Variants in LRP1B observed in about 807,000 individuals in gnomAD.
The protein encoded by LRP1B is LDL receptor related protein 1B, also known as low-density lipoprotein receptor-related protein 1B.
In LRP1B, 217 loss-of-function variants were observed where a neutral mutation model predicts 556.6. That is an observed-to-expected ratio of 0.39 (90% CI 0.35 to 0.44). The LOEUF (loss-of-function observed/expected upper bound fraction) is 0.44, where lower values mean the gene tolerates loss of function less well. LRP1B is among the 20% of genes least tolerant of loss of function. The probability of loss-of-function intolerance (pLI) is 1.00; values close to 1 mark genes in which losing one functional copy is unlikely to be tolerated. For synonymous variants in LRP1B, 2,047 were observed against 1,865.8 expected, an observed-to-expected ratio of 1.10 and a Z score of -2.50; for missense variants, 5,053 against 5,620.8, an observed-to-expected ratio of 0.90 and a Z score of 3.23.
In LRP1B at chr2:142,007,079, T is replaced by C. The variant is rs867824192; in HGVS notation, c.82+123569A>G. On this transcript the variant is annotated intron_variant, in intron 1 of 90. Transcript: ENST00000389484. ...ACCATCCCGACAAAACAAGTTTGCC[T>C]CCAGATTTCACATTTCTCTAAAATA... is the stretch of plus-strand genomic sequence containing the variant. 3.3e-5 allele frequency among the ~76,000 whole-genome samples: 5 copies of C among 152,280 alleles called. No individual in the cohort carries two copies. In the South Asian group the frequency reaches 8.3e-4, roughly 25 times the overall value.
At position 141,879,756 on chromosome 2, in the gene LRP1B, A is replaced by G. The variant is rs192711197; in HGVS notation, c.83-69355T>C. 2.1e-3 allele frequency among the ~76,000 whole-genome samples: 312 copies of G among 152,080 alleles called. 1 individual carries two copies. Among genetic ancestry groups the G allele is most frequent in the South Asian group, 4.4e-3 (21 of 4,824 alleles). On this transcript the variant is annotated intron_variant, in intron 1 of 90. Transcript: ENST00000389484. ...AGACAAACAAAAAACTTGTCTTGCC[A>G]ATCATGTTGTTTAGTACATGGAACG... is the stretch of plus-strand genomic sequence containing the variant.
chr2:140,327,579 G>T (rs1414871269), intron 79 of LRP1B, among the ~76,000 whole-genome samples: 3 of 151,988 alleles, frequency 2.0e-5, no homozygotes, highest in African/African-American at 4.8e-5. Context: ...ACTGAGAAGG[G>T]TTAAAAACAT....
intron 7 of LRP1B, among the ~76,000 whole-genome samples, chr2:141,169,891 C>T (rs1284503746): frequency 6.6e-6 from 1 of 151,308 alleles, no homozygotes; most frequent in Non-Finnish European, 1.5e-5. Context: ...ATTTTGTTAC[C>T]AATTATGCAA....
Position 140,746,659 on chromosome 2 carries a change from GTTTT to G in LRP1B, c.5758+22550_5758+22553del, listed in dbSNP as rs1021598565. Among the ~76,000 whole-genome samples the G allele has an allele frequency of 2.6e-5, 4 of 151,984 alleles. No individual in the cohort carries two copies. The South Asian group carries it at 8.3e-4, about 32-fold the overall frequency. On this transcript the variant is annotated intron_variant, in intron 35 of 90. Transcript: ENST00000389484. The stretch of plus-strand genomic sequence containing the variant: ...AATGCACGCAGGAGAGCCATGTTTT[GTTTT>G]TTTCTCAGTTTGAGCACTTAATTTC...
chr2:141,467,847 G>GGGGCGT (rs1682303604), intron 3 of LRP1B, among the ~76,000 whole-genome samples: 1 of 106,308 alleles, frequency 9.4e-6, no homozygotes, highest in Non-Finnish European at 2.0e-5. Context: ...ACCGGGGGGG[G>GGGGCGT]GGGAATTCCA....
At chr2:141,227,386 C>T (rs1299860304) in intron 6 of LRP1B, among the ~76,000 whole-genome samples, 5 of 152,102 alleles carry the variant, frequency 3.3e-5, no homozygotes, top group African/African-American at 1.2e-4. Flanking sequence ...AGGACTGTGG[C>T]CTTGTGTTCA....
chr2:141,678,736 T>C (rs1199037095), intron 2 of LRP1B, among the ~76,000 whole-genome samples: 1 of 152,162 alleles, frequency 6.6e-6, no homozygotes, highest in African/African-American at 2.4e-5. Flanking sequence ...AATTAATTCA[T>C]AAAACAGGAA....
intron 41 of LRP1B, among the ~76,000 whole-genome samples, chr2:140,621,891 A>C (rs988702111): frequency 2.0e-5 from 3 of 152,234 alleles, no homozygotes; most frequent in African/African-American, 7.2e-5. Context: ...CCTGGAGAAC[A>C]GATGAGCAAC....
chr2:140,902,327 T>C (rs549585772), intron 23 of LRP1B, among the ~76,000 whole-genome samples: 2 of 152,078 alleles, frequency 1.3e-5, no homozygotes, highest in South Asian at 2.1e-4. Context: ...AAGCAAGAAA[T>C]GGTTAAAATG....
At chr2:141,610,612 G>A (rs925331086) in intron 2 of LRP1B, among the ~76,000 whole-genome samples, 4 of 152,044 alleles carry the variant, frequency 2.6e-5, no homozygotes, top group African/African-American at 7.2e-5. Context: ...TGCATCCTGC[G>A]CGTAACCTCG....
chr2:142,046,193 A>T (rs1468500721), intron 1 of LRP1B, among the ~76,000 whole-genome samples: 1 of 151,696 alleles, frequency 6.6e-6, no homozygotes, highest in Non-Finnish European at 1.5e-5. Flanking sequence ...TGAATTTCTT[A>T]CTCTTTTTCA....
At chr2:140,712,275 G>A (rs1291374286) in intron 37 of LRP1B, among the ~76,000 whole-genome samples, 1 of 152,030 alleles carries the variant, frequency 6.6e-6, no homozygotes, top group African/African-American at 2.4e-5. Context: ...GTCCCTCCAG[G>A]AATCAGTCTG....
chr2:140,360,249 T>A (rs1358018516), intron 72 of LRP1B, among the ~76,000 whole-genome samples: 1 of 151,574 alleles, frequency 6.6e-6, no homozygotes, highest in Non-Finnish European at 1.5e-5. Flanking sequence ...TCCCTCTCAA[T>A]ATTTGAGCAA....
At chr2:141,376,491 A>G (rs944799877) in intron 3 of LRP1B, among the ~76,000 whole-genome samples, 5 of 152,058 alleles carry the variant, frequency 3.3e-5, no homozygotes, top group Non-Finnish European at 7.4e-5. Flanking sequence ...AATCTCTTCA[A>G]AATGTGAGCA....
intron 7 of LRP1B, among the ~76,000 whole-genome samples, chr2:141,185,269 A>T (rs1681189751): frequency 6.6e-6 from 1 of 152,086 alleles, no homozygotes; most frequent in African/African-American, 2.4e-5. Flanking sequence ...TGGAGCCAGG[A>T]TTTGATCTCA....
rs756957154 is a variant in LRP1B at position 140,475,313 on chromosome 2, G to A, written c.9450C>T (p.Cys3150=). The change falls in exon 60 of 91, where the codon TGC becomes TGT. Residue 3150 remains cysteine, a synonymous_variant. Coordinates refer to ENST00000389484, the MANE Select transcript of LRP1B (RefSeq NM_018557.3). The part of the protein sequence containing the change: ...QAGYLYWIDC[C]EYPHIGRVGM... ...CAACACGGCCAATATGAGGATACTC[G>A]CAGCAGTCAATCCAATACAAATATC... 6.4e-5 allele frequency: 102 copies of A among 1,604,652 alleles called. No homozygotes were observed. The highest frequency in any genetic ancestry group is 1.9e-4 in the South Asian group (17 of 90,268).
rs1314310856 is a variant in LRP1B, at chr2:140,232,637, G to A, written c.*549C>T. Reference sequence around the variant, plus strand: ...TCCTCAAAATTCTCATCTATTGGTTGGCAATCTAAGGCTAATTTCAAAGCA... The same window carrying A: ...TCCTCAAAATTCTCATCTATTGGTTAGCAATCTAAGGCTAATTTCAAAGCA... On this transcript the variant is annotated 3_prime_UTR_variant, in exon 91 of 91. Transcript: ENST00000389484. The A allele has an allele frequency of 6.6e-6, 1 of 151,402 alleles. No individual in the cohort carries two copies. Among genetic ancestry groups the A allele is most frequent in the Non-Finnish European group, 1.5e-5 (1 of 67,476 alleles). 9.4% of individuals were successfully genotyped at this position (151,402 alleles called of 1,614,324 possible).
chr2:141,504,374 A>G (rs971230478), intron 2 of LRP1B, among the ~76,000 whole-genome samples: 1 of 152,168 alleles, frequency 6.6e-6, no homozygotes, highest in African/African-American at 2.4e-5. Flanking sequence ...TTGATTTACA[A>G]CTTCGGCTTG....
At chr2:141,362,796 A>C (rs1047315166) in intron 3 of LRP1B, among the ~76,000 whole-genome samples, 2 of 151,762 alleles carry the variant, frequency 1.3e-5, no homozygotes, top group Admixed American at 1.3e-4. Flanking sequence ...CTAAAAAGTA[A>C]AAGCATTCAC....
Sources: gnomAD v4.1 joint callset for allele counts (sites outside exome capture counted in the v4.1 genomes callset) on GRCh38, gnomAD v4.1.1 for gene constraint, MANE v1.5 for transcripts, NCBI Gene and HGNC (gene_info 2026-07-23, HGNC 2026-07-21) for gene names.